ADGRL2: variants seen among roughly 807,000 people sequenced by gnomAD.
ADGRL2 encodes adhesion G protein-coupled receptor L2.
In ADGRL2, 44 loss-of-function variants were observed where a neutral mutation model predicts 157.4. The observed-to-expected ratio is 0.28, with a 90% CI of 0.22 to 0.36. The LOEUF (loss-of-function observed/expected upper bound fraction) is 0.36, where lower values mean the gene tolerates loss of function less well. Among genes scored for constraint, ADGRL2 ranks in the 10% least tolerant of loss-of-function variants. The pLI is 1.00. For synonymous variants in ADGRL2, 585 were observed against 624.7 expected (o/e 0.94, Z 0.95); for missense variants, 1,510 against 1,768.9 (o/e 0.85, Z 2.63).
chr1:81,464,014 T>C (rs1327785459), intron 2 of ADGRL2, among the ~76,000 whole-genome samples: 3 of 152,066 alleles, frequency 2.0e-5, no homozygotes, highest in Non-Finnish European at 4.4e-5. Context: ...CAAACCCTTC[T>C]AGTGCTCCTA....
rs540281625 is a variant in ADGRL2 at position 81,522,802 on chromosome 1, G to T, written c.-247-58074G>T. Among the ~76,000 whole-genome samples, 3 of 152,116 alleles carry T rather than the reference G, an allele frequency of 2.0e-5. No homozygotes were observed. In the East Asian group the frequency reaches 5.8e-4, roughly 29 times the overall value. Reference sequence around the variant, plus strand: ...AAAGCTAATTTTTGCGTGCTTGATTGTTTTGTATTCATTATCCAGTCCAAT... The same window carrying T: ...AAAGCTAATTTTTGCGTGCTTGATTTTTTTGTATTCATTATCCAGTCCAAT... On this transcript the variant is annotated intron_variant, in intron 2 of 24. Transcript: ENST00000370721.
intron 1 of ADGRL2, among the ~76,000 whole-genome samples, chr1:81,426,030 C>A (rs2101581790): frequency 6.6e-6 from 1 of 152,134 alleles, no homozygotes; most frequent in South Asian, 2.1e-4. Context: ...CCACACCCAG[C>A]CAACAAATTT....
chr1:81,881,550 G>T (rs1019937884), intron 2 of ADGRL2, among the ~76,000 whole-genome samples: 6 of 152,134 alleles, frequency 3.9e-5, no homozygotes, highest in Non-Finnish European at 7.4e-5. Flanking sequence ...TACTGAAAAA[G>T]GAAAGAAACC....
Position 81,598,776 on chromosome 1 carries a change from C to A in ADGRL2, c.-143+17796C>A, listed in dbSNP as rs530712087. Among the ~76,000 whole-genome samples, 4 of 152,212 alleles carry A rather than the reference C, an allele frequency of 2.6e-5. No homozygotes were observed. In the South Asian group the frequency reaches 8.3e-4, roughly 31 times the overall value. On this transcript the variant is annotated intron_variant, in intron 3 of 24. Transcript: ENST00000370721. ...GGCACTCACGCCTCAGTTTCACAGT[C>A]GTGAAATATTTGCATACAGATGTGA...
At chr1:81,522,123 C>T (rs952400493) in intron 2 of ADGRL2, among the ~76,000 whole-genome samples, 5 of 151,912 alleles carry the variant, frequency 3.3e-5, no homozygotes, top group African/African-American at 1.2e-4. Context: ...CACCACTGTA[C>T]CCAGCTAATT....
intron 1 of ADGRL2, among the ~76,000 whole-genome samples, chr1:81,312,683 T>A (rs1375417873): frequency 2.0e-5 from 3 of 152,190 alleles, no homozygotes; most frequent in Non-Finnish European, 2.9e-5. Context: ...ATCCTTTTGA[T>A]TAGCAAGTGA....
Position 81,950,349 on chromosome 1 carries a change from C to G in ADGRL2, c.1371C>G (p.Thr457=). 1 of 1,614,020 alleles carries G rather than the reference C, an allele frequency of 6.2e-7. No homozygotes were observed. Among genetic ancestry groups the G allele is most frequent in the Non-Finnish European group, 8.5e-7 (1 of 1,179,950 alleles). ...AACCACCTCCAGCAGTTTCTACAACCAAAATTCCACCTATAACAAATATTT... is the reference window on the plus strand; with the variant it reads ...AACCACCTCCAGCAGTTTCTACAACGAAAATTCCACCTATAACAAATATTT... The part of the protein sequence containing the change: ...GTKPPPAVST[T]KIPPITNIFP... Residue 457 remains threonine (T), a synonymous_variant, in exon 7 of 24, where the codon ACC becomes ACG. Coordinates refer to ENST00000686636, the MANE Select transcript of ADGRL2 (RefSeq NM_001366006.2).
chr1:81,314,369 T>C (rs1184728615), intron 1 of ADGRL2, among the ~76,000 whole-genome samples: 1 of 152,192 alleles, frequency 6.6e-6, no homozygotes, highest in Non-Finnish European at 1.5e-5. Context: ...CCAGTTTGCA[T>C]TAACAGCACT....
intron 1 of ADGRL2, among the ~76,000 whole-genome samples, chr1:81,819,167 T>C (rs2090728589): frequency 1.3e-5 from 2 of 152,102 alleles, no homozygotes; most frequent in Non-Finnish European, 2.9e-5. Flanking sequence ...AATAGGAACC[T>C]AATTAGAAGG....
intron 1 of ADGRL2, among the ~76,000 whole-genome samples, chr1:81,320,313 G>C (rs531682700): frequency 1.6e-4 from 25 of 152,238 alleles, no homozygotes; most frequent in Non-Finnish European, 2.5e-4. Flanking sequence ...TATGACAGTA[G>C]AAGTAAACTT....
intron 2 of ADGRL2, among the ~76,000 whole-genome samples, chr1:81,905,308 G>C (rs1286369622): frequency 2.6e-5 from 4 of 152,028 alleles, no homozygotes; most frequent in Non-Finnish European, 5.9e-5. Flanking sequence ...TGTTAGCCAG[G>C]CTGGTCCTGA....
chr1:81,503,377 G>A (rs1269532635), intron 2 of ADGRL2: 10 of 1,613,626 alleles, frequency 6.2e-6, no homozygotes, highest in South Asian at 1.1e-5. Context: ...CGGCAGCAGC[G>A]CCAGCAGCAG....
At chr1:81,657,052 A>G (rs1557542375) in intron 3 of ADGRL2, among the ~76,000 whole-genome samples, 1 of 151,776 alleles carries the variant, frequency 6.6e-6, no homozygotes. Context: ...TGCAACTTAT[A>G]TCAGGGAAAG....
chr1:81,859,042 AATT>A (rs1171236808), intron 2 of ADGRL2, among the ~76,000 whole-genome samples: 4 of 152,320 alleles, frequency 2.6e-5, no homozygotes, highest in African/African-American at 9.6e-5. Flanking sequence ...TTATTTAAGT[AATT>A]ATGTTTGAAC....
intron 3 of ADGRL2, among the ~76,000 whole-genome samples, chr1:81,660,492 C>T (rs575983608): frequency 2.6e-5 from 4 of 152,202 alleles, no homozygotes; most frequent in South Asian, 2.1e-4. Context: ...CCTAACACCT[C>T]CAAAAGTAAA....
chr1:81,659,885 C>T (rs1295256125), intron 3 of ADGRL2, among the ~76,000 whole-genome samples: 1 of 152,170 alleles, frequency 6.6e-6, no homozygotes, highest in Non-Finnish European at 1.5e-5. Context: ...ATTGAAAAAA[C>T]AGAGCTTCAT....
intron 1 of ADGRL2, among the ~76,000 whole-genome samples, chr1:81,802,817 A>G (rs115065115): frequency 0.012 from 1,773 of 152,014 alleles, 26 homozygotes; most frequent in African/African-American, 0.029. Flanking sequence ...CGAGTTTTTG[A>G]GGGTTGCTGT....
chr1:81,667,521 G>A (rs2082776292), intron 3 of ADGRL2, among the ~76,000 whole-genome samples: 1 of 152,148 alleles, frequency 6.6e-6, no homozygotes, highest in African/African-American at 2.4e-5. Flanking sequence ...AGCTGGGAAT[G>A]TCTTTCGTCT....
rs548396644 is a variant in ADGRL2, at chr1:81,634,333, G to C, written c.-143+53353G>C. 3.9e-5 allele frequency among the ~76,000 whole-genome samples: 6 copies of C among 152,052 alleles called. No individual in the cohort carries two copies. The East Asian group carries it at 1.2e-3, about 30-fold the overall frequency. ...ACAAAAAATCCACAGTGATCTTTCC[G>C]AAGCTTAATCATATCAGAGAACTTC... On this transcript the variant is annotated intron_variant, in intron 3 of 24. Coordinates refer to the ADGRL2 transcript ENST00000370721.
Sources: allele counts gnomAD v4.1 joint callset (sites outside exome capture counted in the v4.1 genomes callset), GRCh38; gene constraint gnomAD v4.1.1; transcripts MANE v1.5; gene names NCBI Gene and HGNC (gene_info 2026-07-23, HGNC 2026-07-21).